RASGRF1: variants seen among roughly 807,000 people sequenced by gnomAD.
RASGRF1 encodes the protein Ras protein specific guanine nucleotide releasing factor 1.
A neutral mutation model predicts 138.7 loss-of-function variants in RASGRF1; 40 were observed. The ratio of observed to expected loss-of-function variants is 0.29; its 90% CI spans 0.22 to 0.38. The LOEUF is 0.38. Among genes scored for constraint, RASGRF1 ranks in the 10% least tolerant of loss-of-function variants. The pLI is 1.00. For missense variants in RASGRF1, 1,108 were observed against 1,650.4 expected (o/e 0.67, Z 5.69); for synonymous variants, 614 against 663.2 (o/e 0.93, Z 1.14).
intron 13 of RASGRF1, among the ~76,000 whole-genome samples, chr15:79,009,524 G>A (rs911783127): frequency 6.6e-5 from 10 of 152,056 alleles, no homozygotes; most frequent in Non-Finnish European, 1.5e-4. Flanking sequence ...CCCAGACCTG[G>A]CATCCAAATA....
At chr15:79,048,479 C>T (rs996246665) in intron 4 of RASGRF1, among the ~76,000 whole-genome samples, 1 of 152,100 alleles carries the variant, frequency 6.6e-6, no homozygotes, top group Non-Finnish European at 1.5e-5. Context: ...CTCAGCTTCC[C>T]CATATGTAAA....
intron 3 of RASGRF1, among the ~76,000 whole-genome samples, chr15:79,051,617 G>T (rs2057431401): frequency 6.6e-6 from 1 of 152,206 alleles, no homozygotes; most frequent in Admixed American, 6.5e-5. Flanking sequence ...GTGTGTATGT[G>T]TGCTGGGCTT....
Position 79,090,275 on chromosome 15 carries a change from C to T in RASGRF1, c.224G>A (p.Arg75His). 5 of 1,611,658 alleles carry T rather than the reference C, an allele frequency of 3.1e-6. No homozygotes were observed. Among genetic ancestry groups the T allele is most frequent in the Non-Finnish European group, 3.4e-6 (4 of 1,179,436 alleles). The stretch of plus-strand genomic sequence containing the variant: ...CAGCGCCGGCTTGGGGGAGGGCGCG[C>T]GGTCGCAGACGCAGCCCTCCAGCAG... ...LYLLEGCVCD[R>H]APSPKPALSA... Residue 75 changes from arginine to histidine, a missense_variant, in exon 1 of 27, where the codon CGC becomes CAC. Arg to His is a conservative substitution (Grantham distance 29). Coordinates refer to ENST00000558480, the MANE Select transcript of RASGRF1 (RefSeq NM_001145648.3).
Position 78,973,463 on chromosome 15 carries a change from A to G in RASGRF1, c.3495-43T>C, listed in dbSNP as rs558540608. On this transcript the variant is annotated intron_variant, in intron 24 of 26. Coordinates refer to ENST00000558480, the MANE Select transcript of RASGRF1 (RefSeq NM_001145648.3). This position sits in a 1 kb window ranked among gnomAD's most constrained non-coding sequence, Gnocchi z 4.9. ...TTAACACAAGTTTTTCATTTTAAAA[A>G]AGTAACGTCTACCAAGAACAGAACA... is the stretch of plus-strand genomic sequence containing the variant. 7.0e-7 allele frequency: 1 copy of G among 1,437,098 alleles called. No individual in the cohort carries two copies. The highest frequency in any genetic ancestry group is 9.7e-7 in the Non-Finnish European group (1 of 1,027,936). 89.0% of individuals were successfully genotyped at this position (1,437,098 alleles called of 1,614,324 possible). A position where few individuals can be genotyped will look rare whatever the true frequency, so the allele number is the denominator to read the frequency against.
In RASGRF1 at chr15:79,032,734, C is replaced by T. The variant is rs2057159764; in HGVS notation, c.959-418G>A. On this transcript the variant is annotated intron_variant, in intron 6 of 26. Transcript: ENST00000558480. The surrounding 1 kb of genome is among the most constrained non-coding windows in gnomAD (Gnocchi z 4.5). ...CTGCCTTGCCTGGTCTGTCCTCCTGCTTCAATTCAGGACACCAGTGTGAGG... is the reference window on the plus strand; with the variant it reads ...CTGCCTTGCCTGGTCTGTCCTCCTGTTTCAATTCAGGACACCAGTGTGAGG... Among the ~76,000 whole-genome samples the T allele has an allele frequency of 6.6e-6, 1 of 152,194 alleles. No homozygotes were observed. Among genetic ancestry groups the T allele is most frequent in the South Asian group, 2.1e-4 (1 of 4,834 alleles).
chr15:79,089,727 A>G (rs905166713), intron 1 of RASGRF1, among the ~76,000 whole-genome samples: 1 of 152,262 alleles, frequency 6.6e-6, no homozygotes, highest in Non-Finnish European at 1.5e-5. Flanking sequence ...CTCCGCCCTC[A>G]GCTGCGGCGA....
intron 26 of RASGRF1, among the ~76,000 whole-genome samples, chr15:78,966,595 T>G (rs1472870671): frequency 6.6e-6 from 1 of 152,130 alleles, no homozygotes; most frequent in Non-Finnish European, 1.5e-5. Flanking sequence ...AAAGTTGATT[T>G]ATATCTTATT....
chr15:78,994,507 G>A (rs1398259132), intron 20 of RASGRF1, among the ~76,000 whole-genome samples: 4 of 152,246 alleles, frequency 2.6e-5, no homozygotes, highest in African/African-American at 9.6e-5. Context: ...TCTGCCTCTG[G>A]TGGGGAAGGT....
At chr15:79,088,608 C>G (rs1372133416) in intron 1 of RASGRF1, among the ~76,000 whole-genome samples, 1 of 152,164 alleles carries the variant, frequency 6.6e-6, no homozygotes, top group Admixed American at 6.5e-5. Context: ...TACCCAGGAG[C>G]TCAGCTCTGT....
At chr15:79,087,545 CT>C (rs1392341629) in intron 1 of RASGRF1, among the ~76,000 whole-genome samples, 3 of 152,242 alleles carry the variant, frequency 2.0e-5, no homozygotes, top group South Asian at 2.1e-4. Context: ...TCGTAGACGC[CT>C]CTCAACTCAG....
chr15:79,078,658 G>A (rs1675238591), intron 1 of RASGRF1, among the ~76,000 whole-genome samples: 1 of 152,118 alleles, frequency 6.6e-6, no homozygotes, highest in Admixed American at 6.5e-5. Context: ...TGCAGGGTCA[G>A]GACCCCACTT....
chr15:79,050,859 C>T lies in RASGRF1; in HGVS notation c.532-1271G>A, dbSNP rs2057421109. Among the ~76,000 whole-genome samples, 1 of 152,174 alleles carries T rather than the reference C, an allele frequency of 6.6e-6. No homozygotes were observed. Among genetic ancestry groups the T allele is most frequent in the African/African-American group, 2.4e-5 (1 of 41,438 alleles). On this transcript the variant is annotated intron_variant, in intron 3 of 26. Coordinates refer to ENST00000558480, the MANE Select transcript of RASGRF1 (RefSeq NM_001145648.3). This position sits in a 1 kb window ranked among gnomAD's most constrained non-coding sequence, Gnocchi z 4.1. Reference sequence around the variant, plus strand: ...GGTTCCCACAGCACCATGGACTTTCCTGTGAAAATGCTGGAATTGCTTGTC... The same window carrying T: ...GGTTCCCACAGCACCATGGACTTTCTTGTGAAAATGCTGGAATTGCTTGTC...
At chr15:79,062,404 C>T (rs1567600343) in intron 2 of RASGRF1, among the ~76,000 whole-genome samples, 1 of 152,332 alleles carries the variant, frequency 6.6e-6, no homozygotes, top group African/African-American at 2.4e-5. Flanking sequence ...TGCTACTCCC[C>T]TTGTATAAAA....
intron 23 of RASGRF1, chr15:78,981,543 C>G (rs1010727807): frequency 3.3e-5 from 5 of 152,234 alleles, no homozygotes; most frequent in African/African-American, 9.6e-5. Flanking sequence ...GGAGGGGACA[C>G]AGGCCCCGGA....
At chr15:79,001,170 GC>G (rs1235940344) in intron 16 of RASGRF1, among the ~76,000 whole-genome samples, 5 of 152,172 alleles carry the variant, frequency 3.3e-5, no homozygotes, top group Admixed American at 1.3e-4. Context: ...GAAACACCTA[GC>G]CTTTTTGCAA....
rs568866690 is a variant in RASGRF1, at chr15:79,060,626, G to A, written c.384-2145C>T. On this transcript the variant is annotated intron_variant, in intron 2 of 26. Coordinates refer to ENST00000558480, the MANE Select transcript of RASGRF1 (RefSeq NM_001145648.3). The stretch of plus-strand genomic sequence containing the variant: ...ATGGGCTGAAGGGACCCCTCCCTGG[G>A]TTATCATAAGCACATGATGAACTGT... 3.9e-5 allele frequency among the ~76,000 whole-genome samples: 6 copies of A among 152,322 alleles called. No individual in the cohort carries two copies. The South Asian group carries it at 1.2e-3, about 32-fold the overall frequency.
chr15:79,004,451 T>C (rs2056626613), intron 14 of RASGRF1, among the ~76,000 whole-genome samples: 1 of 151,932 alleles, frequency 6.6e-6, no homozygotes, highest in Admixed American at 6.6e-5. Context: ...GCATCTGACC[T>C]GAAGTGCTAA....
intron 26 of RASGRF1, among the ~76,000 whole-genome samples, chr15:78,965,776 G>A (rs1429869397): frequency 1.3e-5 from 2 of 152,158 alleles, no homozygotes; most frequent in Non-Finnish European, 2.9e-5. Context: ...ACTTGAACCT[G>A]GGAGGCAGAA....
chr15:79,010,250 C>G (rs191360782), intron 13 of RASGRF1, among the ~76,000 whole-genome samples: 2 of 152,136 alleles, frequency 1.3e-5, no homozygotes, highest in Non-Finnish European at 2.9e-5. Flanking sequence ...GTTGGCCAGG[C>G]TGGCCTCGAC....
Sources: gnomAD v4.1 joint callset for allele counts (sites outside exome capture counted in the v4.1 genomes callset) on GRCh38, gnomAD v4.1.1 for gene constraint, Gnocchi (gnomAD v3.1) non-coding constraint, MANE v1.5 for transcripts, NCBI Gene and HGNC (gene_info 2026-07-23, HGNC 2026-07-21) for gene names.